The following DPY19L2 variants were observed in gnomAD, a reference collection of about 807,000 sequenced individuals.
DPY19L2 encodes the protein probable C-mannosyltransferase DPY19L2.
A neutral mutation model predicts 97.9 loss-of-function variants in DPY19L2; 34 were observed. The observed-to-expected ratio is 0.35, with a 90% CI of 0.26 to 0.46. The LOEUF is 0.46. DPY19L2 is among the 20% of genes least tolerant of loss of function. The probability of loss-of-function intolerance (pLI) is 1.00; values close to 1 mark genes in which losing one functional copy is unlikely to be tolerated. For synonymous variants in DPY19L2, 230 were observed against 307.9 expected (o/e 0.75, Z 2.65); for missense variants, 623 against 911.4 (o/e 0.68, Z 4.07).
chr12:63,642,985 G>A (rs1279641779), intron 6 of DPY19L2, among the ~76,000 whole-genome samples: 1 of 151,426 alleles, frequency 6.6e-6, no homozygotes, highest in Non-Finnish European at 1.5e-5. Context: ...ATCTTTTGTT[G>A]GATTTATTCT....
At chr12:63,621,423 T>A in intron 8 of DPY19L2, 86 bp from the exon 9 acceptor site, 1 of 715,646 alleles carries the variant, frequency 1.4e-6, no homozygotes, top group South Asian at 1.7e-5. Context: ...AATGATAAAA[T>A]CTACATTATT....
intron 6 of DPY19L2, among the ~76,000 whole-genome samples, chr12:63,634,546 G>A (rs1426520487): frequency 6.6e-6 from 1 of 152,176 alleles, no homozygotes; most frequent in Admixed American, 6.5e-5. Context: ...GGGAAGCCGT[G>A]ATAGACAGTA....
intron 16 of DPY19L2, among the ~76,000 whole-genome samples, chr12:63,589,603 T>C (rs1259705250): frequency 1.3e-5 from 2 of 151,974 alleles, no homozygotes; most frequent in Admixed American, 1.3e-4. Context: ...ATAAATAACC[T>C]ATATGTAAAT....
intron 4 of DPY19L2, among the ~76,000 whole-genome samples, chr12:63,655,695 C>G (rs138429529): frequency 1.0e-3 from 151 of 149,360 alleles, no homozygotes; most frequent in African/African-American, 3.6e-3. Context: ...TTTCCCCCAG[C>G]AGTTTAAGAT....
chr12:63,573,177 G>A (rs564923876), intron 19 of DPY19L2, among the ~76,000 whole-genome samples: 49 of 152,162 alleles, frequency 3.2e-4, no homozygotes, highest in Non-Finnish European at 5.7e-4. Context: ...AAATAGCCGT[G>A]CTGAGGAAAG....
In DPY19L2 at chr12:63,570,831, T is replaced by C. The variant is rs761032558; in HGVS notation, c.1927A>G (p.Thr643Ala). ...SDAVFAGAMP[T>A]MASIKLSTLH... Reference sequence around the variant, plus strand: ...GTAGACAGCTTGATGCTTGCCATTGTAGGCATGGCACCTGCAAAGACAGCA... The same window carrying C: ...GTAGACAGCTTGATGCTTGCCATTGCAGGCATGGCACCTGCAAAGACAGCA... Residue 643 changes from threonine (T) to alanine (A), a missense_variant, in exon 20 of 22, where the codon ACA becomes GCA. Around this residue, in one of 6 missense-constraint regions of DPY19L2, gnomAD observed 294 missense variants for 446.2 expected, o/e 0.66. Transcript: ENST00000324472. 8 of 1,611,788 alleles carry C rather than the reference T, an allele frequency of 5.0e-6. No individual in the cohort carries two copies. The highest frequency in any genetic ancestry group is 6.8e-6 in the Non-Finnish European group (8 of 1,179,198).
chr12:63,664,874 C>T (rs1896139558), intron 2 of DPY19L2, among the ~76,000 whole-genome samples: 1 of 152,096 alleles, frequency 6.6e-6, no homozygotes, highest in Non-Finnish European at 1.5e-5. Flanking sequence ...ACCATTGCAG[C>T]CTCAGTTCTA....
At chr12:63,627,997 A>G (rs1421054008) in intron 6 of DPY19L2, among the ~76,000 whole-genome samples, 4 of 152,236 alleles carry the variant, frequency 2.6e-5, no homozygotes, top group African/African-American at 9.6e-5. Flanking sequence ...AGAAATTGAA[A>G]GAAAGAATGT....
Position 63,650,184 on chromosome 12 carries a change from C to T in DPY19L2, c.589-2819G>A, listed in dbSNP as rs550947310. On this transcript the variant is annotated intron_variant, in intron 4 of 21. Transcript: ENST00000324472. ...GGAACATACCTCAAAATTGTAAGAG[C>T]CATCTATGAAAAACCCATAGCCAAC... 2.5e-3 allele frequency among the ~76,000 whole-genome samples: 382 copies of T among 152,134 alleles called. 1 individual carries two copies. The highest frequency in any genetic ancestry group is 9.0e-3 in the African/African-American group (372 of 41,496).
intron 21 of DPY19L2, among the ~76,000 whole-genome samples, chr12:63,564,653 G>T (rs1877289023): frequency 6.6e-6 from 1 of 152,018 alleles, no homozygotes; most frequent in Non-Finnish European, 1.5e-5. Context: ...CCTAGAAAAT[G>T]GTCTTTTTTG....
chr12:63,578,295 G>T (rs1369113708), intron 19 of DPY19L2, among the ~76,000 whole-genome samples: 1 of 151,224 alleles, frequency 6.6e-6, no homozygotes, highest in African/African-American at 2.4e-5. Context: ...ATAGAATGAT[G>T]GTTACCAGAG....
At chr12:63,564,370 A>T (rs781577107) in intron 21 of DPY19L2, among the ~76,000 whole-genome samples, 25 of 152,114 alleles carry the variant, frequency 1.6e-4, no homozygotes, top group Non-Finnish European at 3.5e-4. Context: ...GGCATTCAAC[A>T]TAAAAACAAA....
intron 4 of DPY19L2, among the ~76,000 whole-genome samples, chr12:63,653,208 T>A: frequency 6.6e-6 from 1 of 151,846 alleles, no homozygotes; most frequent in Admixed American, 6.6e-5. Flanking sequence ...CCTACATTCA[T>A]GTCATTGGAG....
intron 5 of DPY19L2, among the ~76,000 whole-genome samples, 183 bp from the exon 6 acceptor site, chr12:63,644,679 CACAT>C (rs1259021146): frequency 6.6e-6 from 1 of 151,542 alleles, no homozygotes; most frequent in East Asian, 2.0e-4. Context: ...TGCTTGCAGA[CACAT>C]ATATATGTAT....
intron 7 of DPY19L2, among the ~76,000 whole-genome samples, chr12:63,624,468 T>C (rs1335010879): frequency 6.6e-6 from 1 of 152,050 alleles, no homozygotes; most frequent in East Asian, 1.9e-4. Flanking sequence ...TCCTGGCATA[T>C]GATCCTGGCA....
At chr12:63,583,174 G>A (rs2137380842) in intron 17 of DPY19L2, among the ~76,000 whole-genome samples, 2 of 152,060 alleles carry the variant, frequency 1.3e-5, no homozygotes, top group East Asian at 3.9e-4. Flanking sequence ...TTTGGATAAG[G>A]GATACTCAAC....
At chr12:63,645,431 C>T (rs879474677) in intron 5 of DPY19L2, among the ~76,000 whole-genome samples, 37 of 152,106 alleles carry the variant, frequency 2.4e-4, no homozygotes, top group Non-Finnish European at 4.1e-4. Context: ...CTTCCACATC[C>T]ACAGCTCCAA....
Position 63,560,634 on chromosome 12 carries a change from C to T in DPY19L2, c.2155G>A (p.Asp719Asn). ...KPGCSMLEIW[D>N]VEDPSNAANP... is the part of the protein sequence containing the mutation. Reference sequence around the variant, plus strand: ...GCTGCATTGGAAGGGTCTTCCACATCCCAGATTTCAAGCATACTGCAACCA... The same window carrying T: ...GCTGCATTGGAAGGGTCTTCCACATTCCAGATTTCAAGCATACTGCAACCA... The change falls in exon 22 of 22, where the codon GAT becomes AAT. Residue 719 changes from aspartate (D) to asparagine (N), a missense_variant. Asp to Asn is a conservative substitution (Grantham distance 23). Around this residue, in one of 6 missense-constraint regions of DPY19L2, gnomAD observed 294 missense variants for 446.2 expected, o/e 0.66. Coordinates refer to ENST00000324472, the MANE Select transcript of DPY19L2 (RefSeq NM_173812.5). 1.2e-6 allele frequency: 2 copies of T among 1,613,916 alleles called. No individual in the cohort carries two copies. The highest frequency in any genetic ancestry group is 1.7e-6 in the Non-Finnish European group (2 of 1,179,908).
intron 12 of DPY19L2, among the ~76,000 whole-genome samples, chr12:63,608,179 AG>A (rs1886371983): frequency 6.6e-6 from 1 of 152,170 alleles, no homozygotes; most frequent in Admixed American, 6.5e-5. Flanking sequence ...CAAAAGTAAT[AG>A]AGTCTAAAGT....
Sources: gnomAD v4.1 joint callset for allele counts (sites outside exome capture counted in the v4.1 genomes callset) on GRCh38, gnomAD v4.1.1 for gene constraint, gnomAD v4.1.1 regional missense constraint, MANE v1.5 for transcripts, NCBI Gene and HGNC (gene_info 2026-07-23, HGNC 2026-07-21) for gene names.